The following PDE4B variants were observed in gnomAD, a reference collection of about 807,000 sequenced individuals.
PDE4B encodes the protein phosphodiesterase 4B, also known as 3',5'-cyclic-AMP phosphodiesterase 4B.
Under a neutral mutation model 82.2 loss-of-function variants are expected in PDE4B, and 20 were observed. That is an observed-to-expected ratio of 0.24 (90% CI 0.17 to 0.35). The LOEUF is 0.35. PDE4B is among the 10% of genes least tolerant of loss of function. The pLI is 1.00. For synonymous variants in PDE4B, 320 were observed against 318.9 expected (o/e 1.00, Z -0.04); for missense variants, 655 against 907.2 (o/e 0.72, Z 3.57).
intron 7 of PDE4B, among the ~76,000 whole-genome samples, chr1:66,331,409 T>C (rs1050255859): frequency 6.6e-6 from 1 of 152,220 alleles, no homozygotes; most frequent in Non-Finnish European, 1.5e-5. Flanking sequence ...TCATCTAGCA[T>C]TTATAAAGTT....
intron 16 of PDE4B, among the ~76,000 whole-genome samples, chr1:66,369,201 C>T (rs1021992743): frequency 3.3e-5 from 5 of 152,060 alleles, no homozygotes; most frequent in Non-Finnish European, 7.4e-5. Flanking sequence ...ACTATGTGTC[C>T]CTAAATCATT....
In PDE4B at chr1:66,247,658, A is replaced by G; in HGVS notation, c.476+4A>G. 6.3e-7 allele frequency: 1 copy of G among 1,575,146 alleles called. No homozygotes were observed. The highest frequency in any genetic ancestry group is 8.6e-7 in the Non-Finnish European group (1 of 1,159,096). ...ACTCTTCTCTTCCAAGCGAGCAGTAAGTACAAGCTCTGTCTGGCTTCCAGT... is the reference window on the plus strand; with the variant it reads ...ACTCTTCTCTTCCAAGCGAGCAGTAGGTACAAGCTCTGTCTGGCTTCCAGT... On this transcript the variant is annotated splice_donor_region_variant and intron_variant, in intron 4 of 16. Coordinates refer to ENST00000341517, the MANE Select transcript of PDE4B (RefSeq NM_002600.4).
chr1:66,321,434 GA>G (rs1157548521), intron 7 of PDE4B, among the ~76,000 whole-genome samples: 1 of 152,144 alleles, frequency 6.6e-6, no homozygotes, highest in Non-Finnish European at 1.5e-5. Flanking sequence ...CTGTAATAAA[GA>G]AGTCATAATG....
At chr1:66,204,168 C>T (rs567790602) in intron 3 of PDE4B, among the ~76,000 whole-genome samples, 234 of 152,282 alleles carry the variant, frequency 1.5e-3, no homozygotes, top group Middle Eastern at 6.8e-3. Context: ...AGCAGATTTT[C>T]GTGAACCGCA....
intron 3 of PDE4B, among the ~76,000 whole-genome samples, chr1:66,154,630 T>G (rs1570357247): frequency 6.6e-6 from 1 of 151,802 alleles, no homozygotes; most frequent in Admixed American, 6.6e-5. Flanking sequence ...CTGGCAGGGG[T>G]TTTTCCAGAA....
chr1:66,256,770 G>C (rs188508623), intron 4 of PDE4B, among the ~76,000 whole-genome samples: 11 of 152,156 alleles, frequency 7.2e-5, no homozygotes, highest in Admixed American at 7.2e-4. Flanking sequence ...TGAGGACAGG[G>C]AAGGTAGGCC....
At chr1:66,003,306 G>A (rs17128201) in intron 3 of PDE4B, among the ~76,000 whole-genome samples, 2,254 of 151,074 alleles carry the variant, frequency 0.015, 53 homozygotes, top group Admixed American at 0.05. Context: ...TTACATTCCC[G>A]ATAAGAAATT....
intron 1 of PDE4B, among the ~76,000 whole-genome samples, chr1:65,850,914 A>C (rs1382655567): frequency 6.6e-6 from 1 of 152,094 alleles, no homozygotes; most frequent in Non-Finnish European, 1.5e-5. Flanking sequence ...TTATTCTGTA[A>C]GTTTTAGTGT....
At chr1:65,892,374 A>G (rs1646860972) in intron 1 of PDE4B, among the ~76,000 whole-genome samples, 1 of 152,068 alleles carries the variant, frequency 6.6e-6, no homozygotes, top group Non-Finnish European at 1.5e-5. Flanking sequence ...TCACTATTTT[A>G]ATTGAGTGAC....
At chr1:65,938,570 G>T (rs747989146) in intron 3 of PDE4B, among the ~76,000 whole-genome samples, 11 of 152,170 alleles carry the variant, frequency 7.2e-5, no homozygotes, top group Non-Finnish European at 1.2e-4. Context: ...TATGGCCTGT[G>T]CCCTTTCCTT....
intron 1 of PDE4B, among the ~76,000 whole-genome samples, chr1:65,804,855 G>A (rs1645736028): frequency 6.6e-6 from 1 of 151,502 alleles, no homozygotes; most frequent in Non-Finnish European, 1.5e-5. Context: ...AGGGACCTTA[G>A]AGTAGAGGTG....
chr1:66,008,349 A>G (rs900856265), intron 3 of PDE4B, among the ~76,000 whole-genome samples: 1 of 152,036 alleles, frequency 6.6e-6, no homozygotes, highest in Non-Finnish European at 1.5e-5. Flanking sequence ...AGCATTGTCA[A>G]CCACCTGCTT....
At chr1:65,814,354 A>G (rs1016192238) in intron 1 of PDE4B, among the ~76,000 whole-genome samples, 2 of 152,208 alleles carry the variant, frequency 1.3e-5, no homozygotes, top group East Asian at 3.8e-4. Context: ...AAATTTATGA[A>G]GATGAAATAC....
At chr1:66,085,720 GT>G (rs1011913572) in intron 3 of PDE4B, among the ~76,000 whole-genome samples, 1 of 152,068 alleles carries the variant, frequency 6.6e-6, no homozygotes, top group African/African-American at 2.4e-5. Flanking sequence ...TGACTAGAAT[GT>G]TTCCCTGGTT....
At chr1:66,305,328 T>C (rs1263247878) in intron 7 of PDE4B, among the ~76,000 whole-genome samples, 1 of 152,142 alleles carries the variant, frequency 6.6e-6, no homozygotes, top group Non-Finnish European at 1.5e-5. Context: ...ATATAGAATG[T>C]TGGAGAAGCA....
At chr1:66,198,491 T>A (rs1202529902) in intron 3 of PDE4B, among the ~76,000 whole-genome samples, 2 of 152,296 alleles carry the variant, frequency 1.3e-5, no homozygotes, top group East Asian at 3.9e-4. Context: ...TTAAGTATAA[T>A]TCATCTTAGA....
intron 1 of PDE4B, among the ~76,000 whole-genome samples, chr1:65,852,978 T>G (rs1023551054): frequency 1.3e-5 from 2 of 152,064 alleles, no homozygotes; most frequent in African/African-American, 4.8e-5. Flanking sequence ...GAGAGAAGAG[T>G]ATTGAATTAT....
intron 3 of PDE4B, among the ~76,000 whole-genome samples, chr1:66,163,038 C>A (rs375196855): frequency 6.6e-6 from 1 of 152,288 alleles, no homozygotes; most frequent in African/African-American, 2.4e-5. Flanking sequence ...ATGCTACCAT[C>A]CTTCTAGATT....
intron 7 of PDE4B, among the ~76,000 whole-genome samples, chr1:66,294,799 G>A (rs972377605): frequency 6.6e-5 from 10 of 152,020 alleles, no homozygotes; most frequent in African/African-American, 2.4e-4. Context: ...AAAAGAGAAA[G>A]GGGAGGAATG....
Sources: allele counts gnomAD v4.1 joint callset (sites outside exome capture counted in the v4.1 genomes callset), GRCh38; gene constraint gnomAD v4.1.1; transcripts MANE v1.5; gene names NCBI Gene and HGNC (gene_info 2026-07-23, HGNC 2026-07-21).